ZCCHC7: variants seen among roughly 807,000 people sequenced by gnomAD.
ZCCHC7 encodes zinc finger CCHC-type containing 7, also known as zinc finger CCHC domain-containing protein 7.
ZCCHC7 carries 35 observed loss-of-function variants against 52.0 expected under a neutral mutation model. The ratio of observed to expected loss-of-function variants is 0.67; its 90% CI spans 0.51 to 0.89. The LOEUF (loss-of-function observed/expected upper bound fraction) is 0.89, where lower values mean the gene tolerates loss of function less well. Ranked by LOEUF, ZCCHC7 falls within the 40% of genes least tolerant of loss-of-function variation. ZCCHC7 has a pLI of 0.00. For synonymous variants in ZCCHC7, 217 were observed against 221.5 expected (o/e 0.98, Z 0.18); for missense variants, 574 against 649.1 (o/e 0.88, Z 1.26).
intron 2 of ZCCHC7, among the ~76,000 whole-genome samples, chr9:37,250,115 G>A (rs2133389956): frequency 6.6e-6 from 1 of 152,266 alleles, no homozygotes; most frequent in East Asian, 1.9e-4. Flanking sequence ...TAGGGTTGTT[G>A]TGAAGACTAA....
intron 2 of ZCCHC7, among the ~76,000 whole-genome samples, chr9:37,165,342 A>G (rs916860501): frequency 3.3e-5 from 5 of 151,438 alleles, no homozygotes; most frequent in African/African-American, 1.2e-4. Context: ...GCCATATTGG[A>G]TGGAAGGGAA....
intron 2 of ZCCHC7, among the ~76,000 whole-genome samples, chr9:37,225,815 C>T (rs1213531870): frequency 6.6e-6 from 1 of 152,142 alleles, no homozygotes; most frequent in African/African-American, 2.4e-5. Flanking sequence ...AATTCAAGGA[C>T]CTTTTAAAAA....
At chr9:37,319,233 T>C (rs1470753001) in intron 5 of ZCCHC7, among the ~76,000 whole-genome samples, 1 of 152,232 alleles carries the variant, frequency 6.6e-6, no homozygotes, top group African/African-American at 2.4e-5. Context: ...ATTTTCTTCT[T>C]ATTGGCTGTT....
At chr9:37,143,105 ATTTT>A (rs966755586) in intron 2 of ZCCHC7, among the ~76,000 whole-genome samples, 3 of 149,632 alleles carry the variant, frequency 2.0e-5, no homozygotes, top group African/African-American at 7.3e-5. Flanking sequence ...TTGTCAGACA[ATTTT>A]TTTTTTAAAG....
Position 37,344,960 on chromosome 9 carries a change from C to T in ZCCHC7, c.988-4397C>T, listed in dbSNP as rs185595409. Among the ~76,000 whole-genome samples the T allele has an allele frequency of 7.2e-3, 1,093 of 152,306 alleles. 9 individuals carry two copies. The highest frequency in any genetic ancestry group is 8.1e-3 in the Non-Finnish European group (550 of 68,030). On this transcript the variant is annotated intron_variant, in intron 6 of 8. Coordinates refer to ENST00000336755, the MANE Select transcript of ZCCHC7 (RefSeq NM_032226.3). ...GGCATCCTTCGACTTGTATTCTGCT[C>T]TACTTGTCCCCTTCCCTTCTTGCAT...
intron 2 of ZCCHC7, among the ~76,000 whole-genome samples, chr9:37,290,837 A>G (rs1828500825): frequency 6.6e-6 from 1 of 152,210 alleles, no homozygotes; most frequent in African/African-American, 2.4e-5. Context: ...ATATCTTGAA[A>G]AACTATACTG....
chr9:37,329,667 A>G (rs1324224663), intron 6 of ZCCHC7, among the ~76,000 whole-genome samples: 1 of 151,868 alleles, frequency 6.6e-6, no homozygotes, highest in East Asian at 1.9e-4. Context: ...AATTATCAGT[A>G]TATGGACAAT....
chr9:37,217,624 A>T (rs888241860), intron 2 of ZCCHC7, among the ~76,000 whole-genome samples: 1 of 152,198 alleles, frequency 6.6e-6, no homozygotes, highest in Non-Finnish European at 1.5e-5. Context: ...TTAGAATAAT[A>T]TACACTAAAA....
intron 2 of ZCCHC7, among the ~76,000 whole-genome samples, chr9:37,225,712 G>A (rs1374036610): frequency 2.0e-5 from 3 of 152,134 alleles, no homozygotes; most frequent in Non-Finnish European, 2.9e-5. Flanking sequence ...TGCAGATAAA[G>A]CATTTTACAA....
At chr9:37,229,127 G>A (rs1011462271) in intron 2 of ZCCHC7, among the ~76,000 whole-genome samples, 2 of 151,994 alleles carry the variant, frequency 1.3e-5, no homozygotes, top group African/African-American at 4.8e-5. Context: ...GAGCCATCGC[G>A]CCCAGCATGT....
intron 6 of ZCCHC7, among the ~76,000 whole-genome samples, chr9:37,336,341 T>C (rs1470714271): frequency 6.6e-6 from 1 of 152,194 alleles, no homozygotes; most frequent in Admixed American, 6.6e-5. Context: ...TGTTTGTTCC[T>C]TGTTTTAAGA....
chr9:37,315,207 G>C (rs1829764701), intron 5 of ZCCHC7, among the ~76,000 whole-genome samples: 1 of 151,838 alleles, frequency 6.6e-6, no homozygotes, highest in Admixed American at 6.6e-5. Flanking sequence ...ATGATAAATG[G>C]GATAAAGTAT....
chr9:37,268,405 GA>G (rs1306069820), intron 2 of ZCCHC7, among the ~76,000 whole-genome samples: 425 of 136,110 alleles, frequency 3.1e-3, no homozygotes, highest in Non-Finnish European at 4.8e-3. Context: ...TGTCCTCACA[GA>G]AAAAAAAAAA....
chr9:37,294,462 A>G (rs1230446284), intron 2 of ZCCHC7, among the ~76,000 whole-genome samples: 2 of 152,216 alleles, frequency 1.3e-5, no homozygotes, highest in Non-Finnish European at 1.5e-5. Flanking sequence ...TAAACATGCA[A>G]TTATCTTATT....
At chr9:37,188,278 G>A (rs1822773039) in intron 2 of ZCCHC7, among the ~76,000 whole-genome samples, 2 of 151,998 alleles carry the variant, frequency 1.3e-5, no homozygotes, top group Admixed American at 1.3e-4. Flanking sequence ...CTTCAGAATA[G>A]CTGGAACTAC....
At chr9:37,134,539 G>A (rs969341974) in intron 2 of ZCCHC7, among the ~76,000 whole-genome samples, 1 of 152,068 alleles carries the variant, frequency 6.6e-6, no homozygotes, top group Non-Finnish European at 1.5e-5. Flanking sequence ...TGTGTATAAG[G>A]TTCCAGATTC....
At chr9:37,177,853 G>A (rs979923109) in intron 2 of ZCCHC7, among the ~76,000 whole-genome samples, 3 of 152,110 alleles carry the variant, frequency 2.0e-5, no homozygotes, top group Non-Finnish European at 4.4e-5. Flanking sequence ...GAAAGTCAGA[G>A]ATACTGTCAC....
intron 2 of ZCCHC7, among the ~76,000 whole-genome samples, chr9:37,223,520 G>A (rs1824934506): frequency 6.6e-6 from 1 of 152,142 alleles, no homozygotes; most frequent in Non-Finnish European, 1.5e-5. Flanking sequence ...GTTACTTAAA[G>A]GGTAGTTTCT....
intron 5 of ZCCHC7, among the ~76,000 whole-genome samples, chr9:37,310,691 C>T (rs1829551362): frequency 1.3e-5 from 2 of 152,078 alleles, no homozygotes; most frequent in African/African-American, 4.8e-5. Flanking sequence ...GATCTCTCAA[C>T]TTTCTTTCTT....
Sources: allele counts gnomAD v4.1 joint callset (sites outside exome capture counted in the v4.1 genomes callset), GRCh38; gene constraint gnomAD v4.1.1; transcripts MANE v1.5; gene names NCBI Gene and HGNC (gene_info 2026-07-23, HGNC 2026-07-21).